ACSF3: variants seen among roughly 807,000 people sequenced by gnomAD.
ACSF3 encodes the protein acyl-CoA synthetase family member 3.
In ACSF3, 78 loss-of-function variants were observed where a neutral mutation model predicts 53.2. That is an observed-to-expected ratio of 1.47 (90% confidence interval 1.22 to 1.77). The LOEUF (loss-of-function observed/expected upper bound fraction) is 1.77. ACSF3 is among the 40% of genes most tolerant of loss of function. The probability of loss-of-function intolerance (pLI) is 0.00; values close to 1 mark genes in which losing one functional copy is unlikely to be tolerated. For missense variants in ACSF3, 937 were observed against 771.1 expected (o/e 1.22, Z -2.55); for synonymous variants, 414 against 333.1 (o/e 1.24, Z -2.65).
intron 5 of ACSF3, chr16:89,113,759 C>A: frequency 5.1e-6 from 1 of 197,792 alleles, no homozygotes; most frequent in Non-Finnish European, 1.1e-5. Flanking sequence ...CCGTGTTCTC[C>A]TGCCAAGCCT....
At chr16:89,126,724 A>G (rs1276156526) in intron 7 of ACSF3, among the ~76,000 whole-genome samples, 2 of 152,366 alleles carry the variant, frequency 1.3e-5, no homozygotes, top group African/African-American at 2.4e-5. Flanking sequence ...GGGAATTTCT[A>G]CAAATACAAT....
At chr16:89,096,886 A>G (rs1310966877) in intron 1 of ACSF3, among the ~76,000 whole-genome samples, 1 of 152,210 alleles carries the variant, frequency 6.6e-6, no homozygotes, top group Non-Finnish European at 1.5e-5. Flanking sequence ...GGCCAGTCAC[A>G]TCTGTCACCT....
intron 8 of ACSF3, among the ~76,000 whole-genome samples, chr16:89,139,423 G>C (rs1342916356): frequency 6.6e-6 from 1 of 152,036 alleles, no homozygotes; most frequent in Non-Finnish European, 1.5e-5. Context: ...TTGGAGACTT[G>C]CGTGTCTCTC....
chr16:89,135,965 G>A lies in ACSF3; in HGVS notation c.1366+2703G>A, dbSNP rs573148250. 6.6e-5 allele frequency among the ~76,000 whole-genome samples: 10 copies of A among 152,356 alleles called. No homozygotes were observed. The East Asian group carries it at 1.9e-3, about 29-fold the overall frequency. ...AATTTTTGTATTTTTAGTAAAGACA[G>A]GGTTTTGCCATGTTGGCCAGGCTGG... On this transcript the variant is annotated intron_variant, in intron 8 of 10. Coordinates refer to ENST00000614302, the MANE Select transcript of ACSF3 (RefSeq NM_001243279.3).
intron 6 of ACSF3, chr16:89,115,257 A>G (rs1286581949): frequency 1.3e-5 from 2 of 153,530 alleles, no homozygotes; most frequent in Non-Finnish European, 2.9e-5. Context: ...GTGTGTCTTA[A>G]GAAACATCAT....
chr16:89,118,611 A>C (rs12443551), intron 6 of ACSF3, among the ~76,000 whole-genome samples: 3 of 152,072 alleles, frequency 2.0e-5, no homozygotes, highest in East Asian at 3.9e-4. Flanking sequence ...TTATGGTTAC[A>C]GGCCTGCTCC....
At chr16:89,095,340 G>C (rs562322913) in intron 1 of ACSF3, 2 of 152,320 alleles carry the variant, frequency 1.3e-5, no homozygotes, top group Non-Finnish European at 2.9e-5. Flanking sequence ...TTTTAAAATA[G>C]TATTTTTCTT....
At chr16:89,137,801 G>A (rs1325897628) in intron 8 of ACSF3, among the ~76,000 whole-genome samples, 1 of 152,186 alleles carries the variant, frequency 6.6e-6, no homozygotes, top group East Asian at 1.9e-4. Flanking sequence ...CATCCCCCAA[G>A]GTTGAACATC....
chr16:89,128,552 G>A (rs1259176344), intron 7 of ACSF3, among the ~76,000 whole-genome samples: 2 of 152,064 alleles, frequency 1.3e-5, no homozygotes, highest in African/African-American at 4.8e-5. Context: ...GAGCCACCAC[G>A]CCTGACCTAA....
chr16:89,155,518 T>G lies in ACSF3; in HGVS notation c.*1311T>G. 2.2e-6 allele frequency: 1 copy of G among 454,054 alleles called. No individual in the cohort carries two copies. Among genetic ancestry groups the G allele is most frequent in the South Asian group, 1.6e-5 (1 of 64,460 alleles). The allele number at this position is 454,054 out of a possible 1,614,324, so 28.1% of individuals were successfully genotyped here. A position where few individuals can be genotyped will look rare whatever the true frequency, so the allele number is the denominator to read the frequency against. On this transcript the variant is annotated 3_prime_UTR_variant, in exon 11 of 11. Coordinates refer to ENST00000614302, the MANE Select transcript of ACSF3 (RefSeq NM_001243279.3). ...TTTCCAGGACTGGTGGGTGCCCCAG[T>G]CCACGGCCCTGCCCCACCCGAACTC...
chr16:89,140,985 G>A (rs560613517), intron 8 of ACSF3: 7 of 1,136,130 alleles, frequency 6.2e-6, no homozygotes, highest in East Asian at 5.9e-5. Context: ...AGCCGACTCC[G>A]ATTCCAGAAT....
chr16:89,145,010 A>C (rs999466131), intron 8 of ACSF3, among the ~76,000 whole-genome samples: 1 of 152,196 alleles, frequency 6.6e-6, no homozygotes, highest in Non-Finnish European at 1.5e-5. Context: ...AGCATGGGGA[A>C]GGGACCCCAC....
At chr16:89,129,305 A>G (rs377695935) in intron 7 of ACSF3, among the ~76,000 whole-genome samples, 1 of 152,176 alleles carries the variant, frequency 6.6e-6, no homozygotes, top group African/African-American at 2.4e-5. Context: ...ATATATTTTG[A>G]AAGTCTGTTG....
chr16:89,119,049 T>C lies in ACSF3; in HGVS notation c.1127-1752T>C, dbSNP rs369365612. 4.9e-4 allele frequency among the ~76,000 whole-genome samples: 74 copies of C among 151,794 alleles called. 2 individuals are homozygous for C. In the South Asian group the frequency reaches 0.015, roughly 31 times the overall value. ...CACCTGGAGTGTGGGGGCCCCTGCC[T>C]CAAGCTTTCATGGGTGGCACCTGGA... On this transcript the variant is annotated intron_variant, in intron 6 of 10. Coordinates refer to ENST00000614302, the MANE Select transcript of ACSF3 (RefSeq NM_001243279.3).
At chr16:89,099,000 C>T (rs1471527817) in intron 2 of ACSF3, among the ~76,000 whole-genome samples, 1 of 152,280 alleles carries the variant, frequency 6.6e-6, no homozygotes, top group Non-Finnish European at 1.5e-5. Flanking sequence ...CCGAGGGCCG[C>T]TGAGTGCCCA....
rs1043268998 is a variant in ACSF3, at chr16:89,144,293, G to A, written c.1367-974G>A. Among the ~76,000 whole-genome samples the A allele has an allele frequency of 1.2e-4, 18 of 152,348 alleles. No homozygotes were observed. In the East Asian group the frequency reaches 2.5e-3, roughly 21 times the overall value. ...CCCACAGGAGCTCCAGGAACTGCACGGGGAGGAGCAAGGGCCACGTCGTGG... is the reference window on the plus strand; with the variant it reads ...CCCACAGGAGCTCCAGGAACTGCACAGGGAGGAGCAAGGGCCACGTCGTGG... On this transcript the variant is annotated intron_variant, in intron 8 of 10. Coordinates refer to ENST00000614302, the MANE Select transcript of ACSF3 (RefSeq NM_001243279.3).
chr16:89,136,022 G>A (rs532696835), intron 8 of ACSF3, among the ~76,000 whole-genome samples: 10 of 152,244 alleles, frequency 6.6e-5, no homozygotes, highest in African/African-American at 1.9e-4. Flanking sequence ...TGATCCGCCC[G>A]CCTCGGCCTC....
intron 4 of ACSF3, among the ~76,000 whole-genome samples, chr16:89,106,359 C>G (rs977915342): frequency 6.6e-6 from 1 of 150,776 alleles, no homozygotes. Context: ...GTGGCACGAT[C>G]TCGGCTCACT....
At chr16:89,138,776 C>T (rs1025467778) in intron 8 of ACSF3, among the ~76,000 whole-genome samples, 2 of 152,260 alleles carry the variant, frequency 1.3e-5, no homozygotes, top group African/African-American at 4.8e-5. Flanking sequence ...CCACCAGGCC[C>T]ACGAGGCGGC....
Sources: gnomAD v4.1 joint callset for allele counts (sites outside exome capture counted in the v4.1 genomes callset) on GRCh38, gnomAD v4.1.1 for gene constraint, MANE v1.5 for transcripts, NCBI Gene and HGNC (gene_info 2026-07-23, HGNC 2026-07-21) for gene names.